DOK7: variants seen among roughly 807,000 people sequenced by gnomAD.
The protein encoded by DOK7 is protein Dok-7.
In DOK7, 32 loss-of-function variants were observed where a neutral mutation model predicts 30.7. That is an observed-to-expected ratio of 1.04 (90% confidence interval 0.79 to 1.40). The LOEUF is 1.40. Among genes scored for constraint, DOK7 ranks in the 40% most tolerant of loss-of-function variants. The probability of loss-of-function intolerance (pLI) is 0.00; values close to 1 mark genes in which losing one functional copy is unlikely to be tolerated. For missense variants in DOK7, 1,007 were observed against 699.2 expected, an observed-to-expected ratio of 1.44 and a Z score of -4.97; for synonymous variants, 447 against 324.1, an observed-to-expected ratio of 1.38 and a Z score of -4.07.
chr4:3,492,407 C>T (rs887204374), intron 6 of DOK7, among the ~76,000 whole-genome samples: 3 of 119,994 alleles, frequency 2.5e-5, no homozygotes, highest in Non-Finnish European at 3.3e-5. Context: ...GGAAGGTAGT[C>T]GGGATGGCTG....
At chr4:3,468,185 G>T (rs374188736) in intron 2 of DOK7, among the ~76,000 whole-genome samples, 381 of 144,096 alleles carry the variant, frequency 2.6e-3, no homozygotes, top group Middle Eastern at 7.4e-3. Context: ...CCTGTGTGTG[G>T]GGGTGTGTGT....
intron 2 of DOK7, among the ~76,000 whole-genome samples, chr4:3,466,564 C>A (rs1424991910): frequency 6.6e-6 from 1 of 152,190 alleles, no homozygotes; most frequent in Non-Finnish European, 1.5e-5. Context: ...GAAGACCGGG[C>A]GTGGGTGGTG....
exon 8 of DOK7, chr4:3,501,157 G>A (rs1458836915): frequency 1.6e-5 from 6 of 369,414 alleles, no homozygotes; most frequent in Admixed American, 1.3e-4. Flanking sequence ...GAGTTTGGGA[G>A]CATGGTTTGT....
Position 3,490,395 on chromosome 4 carries a change from A to ATTCCTTCATTTCTCTCCT in DOK7, c.772+599_772+600insTTCCTTCATTTCTCTCCT, listed in dbSNP as rs1560226782. On this transcript the variant is annotated intron_variant, in intron 6 of 6. Transcript: ENST00000340083. ...CCTTCCCCCCACCCCCTGCTCATTCAGTCCTTCTTTCACCCCCCCCACCGC... is the reference window on the plus strand; with the variant it reads ...CCTTCCCCCCACCCCCTGCTCATTCATTCCTTCATTTCTCTCCTGTCCTTCTTTCACCCCCCCCACCGC... Among the ~76,000 whole-genome samples, 275 of 49,474 alleles carry ATTCCTTCATTTCTCTCCT rather than the reference A, an allele frequency of 5.6e-3. 8 individuals carry two copies. The highest frequency in any genetic ancestry group is 0.029 in the African/African-American group (261 of 8,962). The allele number at this position is 49,474 out of a possible 152,430, so 32.5% of individuals were successfully genotyped here. A position where few individuals can be genotyped will look rare whatever the true frequency, so the allele number is the denominator to read the frequency against.
chr4:3,485,778 G>A (rs999688898), intron 5 of DOK7, 120 bp downstream of exon 5: 1 of 1,336,662 alleles, frequency 7.5e-7, no homozygotes, highest in East Asian at 3.0e-5. Context: ...CCCACCCCCA[G>A]CTAAGGAACC....
At chr4:3,463,618 G>A in intron 2 of DOK7, 67 bp downstream of exon 2, 1 of 1,512,850 alleles carries the variant, frequency 6.6e-7, no homozygotes, top group South Asian at 1.2e-5. Flanking sequence ...GCCCGGGGCA[G>A]TAATGCCAGC....
chr4:3,481,123 A>G (rs909371430), intron 4 of DOK7, among the ~76,000 whole-genome samples: 19 of 151,212 alleles, frequency 1.3e-4, no homozygotes, highest in Admixed American at 5.3e-4. Flanking sequence ...GTGGAGGAGG[A>G]GGAGGAGACA....
chr4:3,474,787 A>C (rs1422621965), intron 3 of DOK7, among the ~76,000 whole-genome samples: 1 of 151,716 alleles, frequency 6.6e-6, no homozygotes, highest in Non-Finnish European at 1.5e-5. Context: ...GCGCCATTGC[A>C]CTCCAGCCTG....
At chr4:3,490,909 T>C (rs916314540) in intron 6 of DOK7, among the ~76,000 whole-genome samples, 27 of 115,688 alleles carry the variant, frequency 2.3e-4, no homozygotes, top group East Asian at 9.0e-4. Context: ...CCTTCTCTCC[T>C]CTGCTCATTC....
chr4:3,494,831 G>A (rs1329804963), downstream of DOK7, among the ~76,000 whole-genome samples: 1 of 152,128 alleles, frequency 6.6e-6, no homozygotes, highest in Non-Finnish European at 1.5e-5. Context: ...TCTGAGCCCA[G>A]GGCCCCTGCC....
rs743715 is a variant in DOK7, at chr4:3,487,449, G to T, written c.652+1791G>T. 8.7e-3 allele frequency among the ~76,000 whole-genome samples: 1,323 copies of T among 152,362 alleles called. 24 individuals carry two copies. Among genetic ancestry groups the T allele is most frequent in the African/African-American group, 0.03 (1,245 of 41,576 alleles). Reference sequence around the variant, plus strand: ...GCCGTCCTCCTGTGCTGAGCCCGCTGTGACCCACTGGAGGGGCCAAGAGAT... The same window carrying T: ...GCCGTCCTCCTGTGCTGAGCCCGCTTTGACCCACTGGAGGGGCCAAGAGAT... On this transcript the variant is annotated intron_variant, in intron 5 of 6. Transcript: ENST00000340083.
downstream of DOK7, among the ~76,000 whole-genome samples, chr4:3,495,403 G>A (rs1282321354): frequency 1.3e-5 from 2 of 152,262 alleles, no homozygotes; most frequent in African/African-American, 4.8e-5. Context: ...TCCCTCTGAT[G>A]GGACCAGACT....
intron 2 of DOK7, among the ~76,000 whole-genome samples, chr4:3,465,916 T>C (rs1726236985): frequency 6.6e-6 from 1 of 152,184 alleles, no homozygotes; most frequent in Admixed American, 6.5e-5. Flanking sequence ...CCAGCCCCTC[T>C]CTTCTTCCTC....
Position 3,485,573 on chromosome 4 carries a change from G to T in DOK7, c.567G>T (p.Gly189=). Residue 189 remains glycine (G), a synonymous_variant, in exon 5 of 7, where the codon GGG becomes GGT. Coordinates refer to ENST00000340083, the MANE Select transcript of DOK7 (RefSeq NM_173660.5). ...AGVFFLSSAE[G]EQISFLFDCI... is the part of the protein sequence containing the mutation. ...TCTTCTTCCTGTCCTCGGCCGAGGGGGAGCAGATCAGCTTCCTGTTCGACT... is the reference window on the plus strand; with the variant it reads ...TCTTCTTCCTGTCCTCGGCCGAGGGTGAGCAGATCAGCTTCCTGTTCGACT... The T allele has an allele frequency of 6.2e-7, 1 of 1,607,424 alleles. No homozygotes were observed. The highest frequency in any genetic ancestry group is 1.7e-4 in the Middle Eastern group (1 of 6,044).
chr4:3,495,603 C>A (rs1227889760), downstream of DOK7, among the ~76,000 whole-genome samples: 4 of 152,356 alleles, frequency 2.6e-5, no homozygotes, highest in East Asian at 7.7e-4. Context: ...GGGTCTCCAG[C>A]CTCAGTACCC....
At chr4:3,495,885 T>C (rs16844485), downstream of DOK7, among the ~76,000 whole-genome samples, 1 of 152,038 alleles carries the variant, frequency 6.6e-6, no homozygotes, top group Non-Finnish European at 1.5e-5. Context: ...GTTCTCAAAG[T>C]CTAGACCAGC....
intron 2 of DOK7, among the ~76,000 whole-genome samples, chr4:3,469,594 C>T (rs1423342701): frequency 1.3e-5 from 2 of 152,122 alleles, no homozygotes; most frequent in Non-Finnish European, 2.9e-5. Context: ...GCCCGGGGAG[C>T]TGGCCAGTGG....
intron 6 of DOK7, among the ~76,000 whole-genome samples, chr4:3,492,286 G>A (rs572961638): frequency 1.3e-4 from 20 of 152,198 alleles, no homozygotes; most frequent in Admixed American, 2.6e-4. Flanking sequence ...TGTGGGCACA[G>A]CTGGTGCCTC....
downstream of DOK7, among the ~76,000 whole-genome samples, chr4:3,497,129 G>A (rs1728953014): frequency 1.3e-5 from 2 of 152,080 alleles, no homozygotes; most frequent in South Asian, 2.1e-4. Context: ...GGACAGCAGG[G>A]CAGTGGGTAG....
Sources: gnomAD v4.1 joint callset for allele counts (sites outside exome capture counted in the v4.1 genomes callset) on GRCh38, gnomAD v4.1.1 for gene constraint, MANE v1.5 for transcripts, NCBI Gene and HGNC (gene_info 2026-07-23, HGNC 2026-07-21) for gene names.